The following GRB14 variants were observed in gnomAD, a reference collection of about 807,000 sequenced individuals.
GRB14 encodes growth factor receptor bound protein 14, also known as growth factor receptor-bound protein 14.
Under a neutral mutation model 69.1 loss-of-function variants are expected in GRB14, and 38 were observed. The observed-to-expected ratio is 0.55, with a 90% confidence interval of 0.42 to 0.72. The LOEUF (loss-of-function observed/expected upper bound fraction) is 0.72, where lower values mean the gene tolerates loss of function less well. GRB14 is among the 30% of genes least tolerant of loss of function. GRB14 has a pLI of 0.00. For synonymous variants in GRB14, 247 were observed against 241.3 expected, an observed-to-expected ratio of 1.02 and a Z score of -0.22; for missense variants, 666 against 666.1, an observed-to-expected ratio of 1.00 and a Z score of 0.00.
rs1366202781 is a variant in GRB14 at position 164,492,660 on chromosome 2, C to T, written c.*376G>A. Among the ~76,000 whole-genome samples the T allele has an allele frequency of 1.3e-5, 2 of 151,858 alleles. No individual in the cohort carries two copies. Among genetic ancestry groups the T allele is most frequent in the Non-Finnish European group, 2.9e-5 (2 of 67,916 alleles). ...AAAATAGTATAATTGAAATTTAGTG[C>T]ACAAATAATTATTCCTGACTCCCAA... is the stretch of plus-strand genomic sequence containing the variant. On this transcript the variant is annotated 3_prime_UTR_variant, in exon 14 of 14. Coordinates refer to ENST00000263915, the MANE Select transcript of GRB14 (RefSeq NM_004490.3).
chr2:164,509,675 C>T (rs993047761), intron 6 of GRB14, among the ~76,000 whole-genome samples: 3 of 151,884 alleles, frequency 2.0e-5, no homozygotes, highest in Non-Finnish European at 2.9e-5. Flanking sequence ...ATCAGTATCA[C>T]CTGGGAGCTT....
chr2:164,557,771 G>A (rs1340054953), intron 2 of GRB14, among the ~76,000 whole-genome samples: 1 of 152,042 alleles, frequency 6.6e-6, no homozygotes, highest in Non-Finnish European at 1.5e-5. Flanking sequence ...ACCCAGCCCT[G>A]GTATAGATTT....
At chr2:164,616,802 A>C (rs923289803) in intron 2 of GRB14, among the ~76,000 whole-genome samples, 22 of 152,234 alleles carry the variant, frequency 1.4e-4, no homozygotes, top group Non-Finnish European at 3.2e-4. Flanking sequence ...TGGAATGGTT[A>C]AACAGGACAA....
At chr2:164,597,630 G>C (rs1356755042) in intron 2 of GRB14, among the ~76,000 whole-genome samples, 1 of 151,954 alleles carries the variant, frequency 6.6e-6, no homozygotes, top group African/African-American at 2.4e-5. Flanking sequence ...ACAATGGGTA[G>C]AGAAGAAGAA....
At chr2:164,547,600 G>C in intron 3 of GRB14, 60 bp downstream of exon 3, 4 of 1,338,310 alleles carry the variant, frequency 3.0e-6, no homozygotes, top group Non-Finnish European at 4.2e-6. Flanking sequence ...TGGTGTTCAA[G>C]AGGGAGCTGA....
At chr2:164,615,642 T>C (rs1162723062) in intron 2 of GRB14, among the ~76,000 whole-genome samples, 1 of 152,224 alleles carries the variant, frequency 6.6e-6, no homozygotes, top group East Asian at 1.9e-4. Flanking sequence ...AAGAAGAATA[T>C]TGGAATAGAA....
chr2:164,514,467 T>A (rs1307274401), intron 6 of GRB14, among the ~76,000 whole-genome samples: 1 of 152,020 alleles, frequency 6.6e-6, no homozygotes, highest in Non-Finnish European at 1.5e-5. Context: ...GGAGAAGGAT[T>A]TGACATTACC....
intron 3 of GRB14, among the ~76,000 whole-genome samples, chr2:164,528,165 G>C (rs1687830100): frequency 6.6e-6 from 1 of 152,056 alleles, no homozygotes; most frequent in Non-Finnish European, 1.5e-5. Context: ...TTAAGTAAGT[G>C]GGGGCATGAA....
At chr2:164,610,539 G>A (rs1558883278) in intron 2 of GRB14, among the ~76,000 whole-genome samples, 1 of 151,736 alleles carries the variant, frequency 6.6e-6, no homozygotes, top group African/African-American at 2.4e-5. Context: ...TAATTGTCAA[G>A]AAAAAATTTT....
intron 6 of GRB14, among the ~76,000 whole-genome samples, chr2:164,514,347 A>T (rs866847538): frequency 6.6e-6 from 1 of 152,196 alleles, no homozygotes; most frequent in Non-Finnish European, 1.5e-5. Flanking sequence ...TTGCTGCTTC[A>T]GGGCCCCCAG....
chr2:164,617,976 T>G (rs1170521384), intron 2 of GRB14, among the ~76,000 whole-genome samples: 56 of 100,096 alleles, frequency 5.6e-4, no homozygotes, highest in South Asian at 8.4e-4. Context: ...GGGGGGGTAG[T>G]GTCAGCGGGG....
At chr2:164,513,652 G>C (rs1311103213) in intron 6 of GRB14, among the ~76,000 whole-genome samples, 3 of 152,194 alleles carry the variant, frequency 2.0e-5, no homozygotes, top group African/African-American at 7.2e-5. Flanking sequence ...TTTGCAGATT[G>C]AATGTGTGTG....
intron 6 of GRB14, among the ~76,000 whole-genome samples, chr2:164,517,787 T>C (rs1395672716): frequency 6.6e-6 from 1 of 152,140 alleles, no homozygotes; most frequent in Non-Finnish European, 1.5e-5. Flanking sequence ...TATATAATGA[T>C]AAAGGAAATT....
intron 3 of GRB14, among the ~76,000 whole-genome samples, chr2:164,533,374 A>G (rs1688000950): frequency 6.6e-6 from 1 of 150,916 alleles, no homozygotes; most frequent in African/African-American, 2.4e-5. Context: ...CTGGGACTAC[A>G]GGCACCCGCC....
At chr2:164,548,543 T>C (rs1324948114) in intron 2 of GRB14, among the ~76,000 whole-genome samples, 1 of 152,220 alleles carries the variant, frequency 6.6e-6, no homozygotes. Flanking sequence ...CTCTGTGACA[T>C]GCTGACTTAA....
chr2:164,514,072 A>G (rs1430790734), intron 6 of GRB14, among the ~76,000 whole-genome samples: 1 of 152,250 alleles, frequency 6.6e-6, no homozygotes, highest in African/African-American at 2.4e-5. Context: ...AGGTAAACAT[A>G]TAAGCATGTA....
At chr2:164,597,076 T>C (rs542962382) in intron 2 of GRB14, among the ~76,000 whole-genome samples, 1 of 152,340 alleles carries the variant, frequency 6.6e-6, no homozygotes, top group African/African-American at 2.4e-5. Flanking sequence ...TTCCACTGTT[T>C]GGTTGTATCC....
intron 2 of GRB14, among the ~76,000 whole-genome samples, chr2:164,605,029 C>T (rs1213171430): frequency 6.6e-6 from 1 of 152,120 alleles, no homozygotes; most frequent in Non-Finnish European, 1.5e-5. Context: ...TAATTTTATG[C>T]TTAATGAATT....
chr2:164,586,721 T>A (rs1559062886), intron 2 of GRB14, among the ~76,000 whole-genome samples: 1 of 152,166 alleles, frequency 6.6e-6, no homozygotes, highest in Non-Finnish European at 1.5e-5. Flanking sequence ...GAGCCAGAAG[T>A]CTATATTTAG....
Sources: allele counts gnomAD v4.1 joint callset (sites outside exome capture counted in the v4.1 genomes callset), GRCh38; gene constraint gnomAD v4.1.1; transcripts MANE v1.5; gene names NCBI Gene and HGNC (gene_info 2026-07-23, HGNC 2026-07-21).